CCDC157: variants seen among roughly 807,000 people sequenced by gnomAD.
CCDC157 encodes coiled-coil domain-containing protein 157.
Under a neutral mutation model 70.9 loss-of-function variants are expected in CCDC157, and 60 were observed. The ratio of observed to expected loss-of-function variants is 0.85; its 90% CI spans 0.69 to 1.05. CCDC157 has a LOEUF of 1.05. CCDC157 is among the 50% of genes least tolerant of loss of function. The pLI is 0.00. For missense variants in CCDC157, 943 were observed against 984.2 expected (o/e 0.96, Z 0.56); for synonymous variants, 373 against 422.4 (o/e 0.88, Z 1.43).
intron 4 of CCDC157, chr22:30,369,961 T>C (rs1932862926): frequency 4.3e-6 from 2 of 466,566 alleles, no homozygotes; most frequent in Non-Finnish European, 7.7e-6. Context: ...ACTGTTCCCA[T>C]GATGGGAAGG....
At chr22:30,359,323 G>A (rs1932167043) in intron 1 of CCDC157, among the ~76,000 whole-genome samples, 1 of 152,266 alleles carries the variant, frequency 6.6e-6, no homozygotes, top group African/African-American at 2.4e-5. Context: ...CAACAGGAGT[G>A]TAGGATGTGG....
chr22:30,372,465 C>G (rs1215810062), intron 7 of CCDC157, 179 bp downstream of exon 7: 4 of 881,608 alleles, frequency 4.5e-6, no homozygotes, highest in Admixed American at 6.2e-5. Context: ...ACTGGGGGAA[C>G]AGTGACCCAG....
upstream of CCDC157, chr22:30,356,983 G>A (rs1032475776): frequency 6.5e-6 from 3 of 460,532 alleles, no homozygotes; most frequent in Middle Eastern, 1.2e-3. Context: ...GCCCCTCCCC[G>A]CGGGCACCGC....
At chr22:30,371,589 A>G (rs1300269225) in intron 5 of CCDC157, 61 bp from the exon 6 acceptor site, 9 of 1,414,428 alleles carry the variant, frequency 6.4e-6, no homozygotes, top group African/African-American at 1.4e-5. Context: ...CACACTGGGC[A>G]TGAAGGCCGC....
chr22:30,361,587 T>C (rs1932353851), intron 1 of CCDC157, among the ~76,000 whole-genome samples: 1 of 152,140 alleles, frequency 6.6e-6, no homozygotes, highest in Non-Finnish European at 1.5e-5. Flanking sequence ...AACCTAAAAT[T>C]GTGTGTGTGG....
rs1332875557 is a variant in CCDC157, at chr22:30,366,180, C to A, written c.180C>A (p.Asp60Glu). The change falls in exon 3 of 12, where the codon GAC becomes GAA. Residue 60 changes from aspartate (D) to glutamate (E), a missense_variant. Transcript: ENST00000338306. ...LDMVALLEHY[D>E]HVPGDPEFTQ... ...TGGTGGCCCTGCTGGAGCACTATGA[C>A]CATGTTCCGGGTGACCCCGAGTTCA... The A allele has an allele frequency of 2.5e-6, 4 of 1,613,612 alleles. No individual in the cohort carries two copies. Among genetic ancestry groups the A allele is most frequent in the East Asian group, 2.2e-5 (1 of 44,894 alleles).
Position 30,373,585 on chromosome 22 carries a change from G to T in CCDC157, c.1336-12G>T. 1.3e-6 allele frequency: 2 copies of T among 1,552,508 alleles called. No individual in the cohort carries two copies. The highest frequency in any genetic ancestry group is 1.7e-6 in the Non-Finnish European group (2 of 1,147,562). On this transcript the variant is annotated splice_polypyrimidine_tract_variant and intron_variant, in intron 7 of 11. Transcript: ENST00000338306. Reference sequence around the variant, plus strand: ...GGTCTCACAGCCTCCCTGCTTGTCCGTTCCTGCTTAGTCTCTGCAGGCCAA... The same window carrying T: ...GGTCTCACAGCCTCCCTGCTTGTCCTTTCCTGCTTAGTCTCTGCAGGCCAA...
At chr22:30,361,042 C>A (rs1932304538) in intron 1 of CCDC157, among the ~76,000 whole-genome samples, 1 of 151,386 alleles carries the variant, frequency 6.6e-6, no homozygotes, top group Admixed American at 6.6e-5. Flanking sequence ...GCGAGACTCT[C>A]TTTCAAAAAA....
At chr22:30,360,863 T>C (rs1028364675) in intron 1 of CCDC157, among the ~76,000 whole-genome samples, 23 of 151,990 alleles carry the variant, frequency 1.5e-4, no homozygotes, top group Non-Finnish European at 1.2e-4. Flanking sequence ...CTGACCAACA[T>C]AGTGAAACCC....
chr22:30,362,542 T>A (rs1802030027), intron 2 of CCDC157, among the ~76,000 whole-genome samples: 1 of 152,062 alleles, frequency 6.6e-6, no homozygotes, highest in African/African-American at 2.4e-5. Flanking sequence ...CCAGTCTTAG[T>A]GCTGTAGAAA....
chr22:30,361,025 C>A (rs1470081345), intron 1 of CCDC157, among the ~76,000 whole-genome samples: 1 of 151,838 alleles, frequency 6.6e-6, no homozygotes, highest in Non-Finnish European at 1.5e-5. Flanking sequence ...CCAGGCTGCG[C>A]AACAGAGCGA....
intron 2 of CCDC157, among the ~76,000 whole-genome samples, chr22:30,364,592 T>A (rs1004701903): frequency 6.6e-6 from 1 of 152,154 alleles, no homozygotes; most frequent in South Asian, 2.1e-4. Context: ...ATGGATCACT[T>A]GAGGTCAGAA....
rs1382342819 is a variant in CCDC157, at chr22:30,377,004, G to A, written c.*259G>A. The A allele has an allele frequency of 7.1e-6, 4 of 563,834 alleles. No individual in the cohort carries two copies. Among genetic ancestry groups the A allele is most frequent in the Non-Finnish European group, 1.3e-5 (4 of 315,002 alleles). The allele number at this position is 563,834 out of a possible 1,614,324, so 34.9% of individuals were successfully genotyped here. On this transcript the variant is annotated 3_prime_UTR_variant, in exon 12 of 12. Coordinates refer to ENST00000338306, the MANE Select transcript of CCDC157 (RefSeq NM_001017437.5). The stretch of plus-strand genomic sequence containing the variant: ...TCCCGACAGAGGCTGTGGGATAGGA[G>A]AGTACACCCAGGGCAGAGGAAGCTC...
rs755867888 is a variant in CCDC157, at chr22:30,366,092, G to A, written c.92G>A (p.Arg31His). 65 of 1,611,742 alleles carry A rather than the reference G, an allele frequency of 4.0e-5. No homozygotes were observed. The highest frequency in any genetic ancestry group is 1.6e-4 in the Middle Eastern group (1 of 6,084). ...LQGAIVDVFS[R>H]AGPVRFPSWK... ...GGTGCCATCGTAGACGTCTTCTCCC[G>A]CGCCGGGCCTGTGCGCTTCCCCTCC... Residue 31 changes from arginine to histidine, a missense_variant, in exon 3 of 12, where the codon CGC (arginine) becomes CAC (histidine). Coordinates refer to ENST00000338306, the MANE Select transcript of CCDC157 (RefSeq NM_001017437.5).
intron 4 of CCDC157, 34 bp downstream of exon 4, chr22:30,369,637 C>T: frequency 1.4e-6 from 2 of 1,451,156 alleles, no homozygotes; most frequent in Non-Finnish European, 1.8e-6. Context: ...GTGGGTCAGC[C>T]TCAGCCTCTA....
intron 4 of CCDC157, 111 bp from the exon 5 acceptor site, chr22:30,370,215 T>C (rs1330498038): frequency 3.3e-6 from 4 of 1,196,266 alleles, no homozygotes; most frequent in African/African-American, 1.5e-5. Context: ...TTTGAGGGTC[T>C]GAGTGTCAGG....
rs374301398 is a variant in CCDC157, at chr22:30,369,428, G to A, written c.249-4G>A. ...CCCCAGCAACCTAGCATCTCTGCCC[G>A]CAGGCTCCTGCTGCTGCTTCAAAGC... is the stretch of plus-strand genomic sequence containing the variant. On this transcript the variant is annotated splice_region_variant and splice_polypyrimidine_tract_variant and intron_variant, in intron 3 of 11. Coordinates refer to ENST00000338306, the MANE Select transcript of CCDC157 (RefSeq NM_001017437.5). 63 of 1,503,602 alleles carry A rather than the reference G, an allele frequency of 4.2e-5. No individual in the cohort carries two copies. Among genetic ancestry groups the A allele is most frequent in the Middle Eastern group, 1.8e-4 (1 of 5,610 alleles). The allele number at this position is 1,503,602 out of a possible 1,614,324, so 93.1% of individuals were successfully genotyped here.
rs144193457 is a variant in CCDC157 at position 30,358,430 on chromosome 22, G to C, written c.-166+1298G>C. On this transcript the variant is annotated intron_variant, in intron 1 of 11. Transcript: ENST00000338306. ...TCAAGCCAGTCTTATTCCTCTACTA[G>C]TGCAGTTAGTTATTTTGCCCTCAGT... is the stretch of plus-strand genomic sequence containing the variant. Among the ~76,000 whole-genome samples, 503 of 152,296 alleles carry C rather than the reference G, an allele frequency of 3.3e-3. 6 individuals are homozygous for C. The highest frequency in any genetic ancestry group is 0.011 in the African/African-American group (458 of 41,550).
At chr22:30,373,343 C>T in intron 7 of CCDC157, 1 of 513,374 alleles carries the variant, frequency 1.9e-6, no homozygotes, top group Non-Finnish European at 3.5e-6. Flanking sequence ...CCAGAGCCAG[C>T]CATCTGCGTT....
Sources: allele counts gnomAD v4.1 joint callset (sites outside exome capture counted in the v4.1 genomes callset), GRCh38; gene constraint gnomAD v4.1.1; transcripts MANE v1.5; gene names NCBI Gene and HGNC (gene_info 2026-07-23, HGNC 2026-07-21).